PRPSAP2: variants seen among roughly 807,000 people sequenced by gnomAD.
The protein encoded by PRPSAP2 is phosphoribosyl pyrophosphate synthetase associated protein 2, also known as phosphoribosyl pyrophosphate synthase-associated protein 2.
Under a neutral mutation model 40.6 loss-of-function variants are expected in PRPSAP2, and 24 were observed. That is an observed-to-expected ratio of 0.59 (90% CI 0.43 to 0.83). PRPSAP2 has a LOEUF of 0.83. Ranked by LOEUF, PRPSAP2 falls within the 40% of genes least tolerant of loss-of-function variation. PRPSAP2 has a pLI of 0.00. For missense variants in PRPSAP2, 292 were observed against 465.6 expected, an observed-to-expected ratio of 0.63 and a Z score of 3.43; for synonymous variants, 149 against 164.7, an observed-to-expected ratio of 0.90 and a Z score of 0.73.
At chr17:18,872,539 G>T in intron 4 of PRPSAP2, 44 bp from the exon 5 acceptor site, 4 of 1,444,202 alleles carry the variant, frequency 2.8e-6, no homozygotes, top group South Asian at 1.2e-5. Flanking sequence ...TGAAAAATTT[G>T]AACTATATGC....
intron 10 of PRPSAP2, among the ~76,000 whole-genome samples, chr17:18,927,698 A>G (rs1026657036): frequency 1.3e-5 from 2 of 152,130 alleles, no homozygotes; most frequent in Non-Finnish European, 2.9e-5. Context: ...TTGCAGATAT[A>G]CTCTTATAAG....
At chr17:18,863,155 C>T (rs576238669) in intron 1 of PRPSAP2, among the ~76,000 whole-genome samples, 7 of 151,830 alleles carry the variant, frequency 4.6e-5, no homozygotes, top group South Asian at 4.2e-4. Flanking sequence ...TTTTTTGAGA[C>T]GAGGTCGCAT....
chr17:18,918,397 A>C (rs1222552038), intron 9 of PRPSAP2, among the ~76,000 whole-genome samples: 2 of 152,174 alleles, frequency 1.3e-5, no homozygotes, highest in Non-Finnish European at 2.9e-5. Context: ...TGTGAGTGAG[A>C]TAGGACTGCA....
At chr17:18,917,038 T>C (rs1427467024) in intron 9 of PRPSAP2, among the ~76,000 whole-genome samples, 2 of 152,110 alleles carry the variant, frequency 1.3e-5, no homozygotes, top group African/African-American at 4.8e-5. Flanking sequence ...AGAATGAATG[T>C]AGTTGGGTTG....
chr17:18,872,950 C>G (rs2037997694), intron 5 of PRPSAP2, among the ~76,000 whole-genome samples: 1 of 151,512 alleles, frequency 6.6e-6, no homozygotes. Context: ...TCTAGTGATT[C>G]TCTTGCCTCA....
chr17:18,923,256 ATTTTTTT>A (rs34975526), intron 9 of PRPSAP2, among the ~76,000 whole-genome samples: 61 of 105,396 alleles, frequency 5.8e-4, no homozygotes, highest in South Asian at 1.9e-3. Flanking sequence ...CACTTGGCTA[ATTTTTTT>A]TTTTTTTTTT....
chr17:18,889,839 T>C lies in PRPSAP2; in HGVS notation c.546T>C (p.Asn182=), dbSNP rs766875188. 23 of 1,610,250 alleles carry C rather than the reference T, an allele frequency of 1.4e-5. No individual in the cohort carries two copies. The East Asian group carries it at 4.0e-4, about 28-fold the overall frequency. Residue 182 remains asparagine (N), a synonymous_variant, in exon 8 of 12, where the codon AAT becomes AAC. Transcript: ENST00000268835. Reference sequence around the variant, plus strand: ...TGTCACAGATCCCAGATTACAGGAATGCAGTAATCGTGGCCAAGTCTCCAG... The same window carrying C: ...TGTCACAGATCCCAGATTACAGGAACGCAGTAATCGTGGCCAAGTCTCCAG... The part of the protein sequence containing the change: ...YIQEEIPDYR[N]AVIVAKSPAS...
chr17:18,872,305 A>C (rs1480642339), intron 4 of PRPSAP2, among the ~76,000 whole-genome samples: 1 of 151,306 alleles, frequency 6.6e-6, no homozygotes, highest in Non-Finnish European at 1.5e-5. Context: ...CCATGCTCGG[A>C]GTGGTACAGC....
chr17:18,891,285 C>T (rs922431744), intron 8 of PRPSAP2, among the ~76,000 whole-genome samples: 1 of 152,116 alleles, frequency 6.6e-6, no homozygotes, highest in Non-Finnish European at 1.5e-5. Flanking sequence ...TTAAGAATAG[C>T]ACTTTAATAT....
rs189432136 is a variant in PRPSAP2 at position 18,901,633 on chromosome 17, C to T, written c.585-9470C>T. Reference sequence around the variant, plus strand: ...CCTCGTGATCTGCCTGCCTCAGCCTCCCAGAGTGCTAGGATTACAGGCATG... The same window carrying T: ...CCTCGTGATCTGCCTGCCTCAGCCTTCCAGAGTGCTAGGATTACAGGCATG... On this transcript the variant is annotated intron_variant, in intron 8 of 11. Transcript: ENST00000268835. 4.2e-3 allele frequency among the ~76,000 whole-genome samples: 641 copies of T among 152,300 alleles called. 3 individuals carry two copies. Among genetic ancestry groups the T allele is most frequent in the African/African-American group, 0.015 (621 of 41,554 alleles).
upstream of PRPSAP2, among the ~76,000 whole-genome samples, chr17:18,857,321 C>G (rs563255731): frequency 6.6e-6 from 1 of 151,812 alleles, no homozygotes; most frequent in East Asian, 1.9e-4. Flanking sequence ...GACAACAGAG[C>G]GAAACTCCGT....
chr17:18,897,991 C>CTTTTTTTTTTTTTTTTTTTTTTTT (rs71155370), intron 8 of PRPSAP2, among the ~76,000 whole-genome samples: 1 of 116,332 alleles, frequency 8.6e-6, no homozygotes, highest in African/African-American at 3.2e-5. Context: ...AGAATTTTTG[C>CTTTTTTTTTTTTTTTTTTTTTTTT]TTTTTTTTTT....
chr17:18,910,782 G>C (rs149652298), intron 8 of PRPSAP2, among the ~76,000 whole-genome samples: 36 of 152,314 alleles, frequency 2.4e-4, no homozygotes, highest in African/African-American at 8.2e-4. Context: ...TAGGTAGGCA[G>C]GCAGGTAGAA....
At chr17:18,871,653 C>CTTTTTTTTTT (rs142523345) in intron 4 of PRPSAP2, among the ~76,000 whole-genome samples, 2 of 129,784 alleles carry the variant, frequency 1.5e-5, no homozygotes, top group Admixed American at 8.1e-5. Flanking sequence ...ATATAATTTT[C>CTTTTTTTTTT]TTTTTTTTTT....
chr17:18,895,240 C>G (rs1183633107), intron 8 of PRPSAP2, among the ~76,000 whole-genome samples: 1 of 151,808 alleles, frequency 6.6e-6, no homozygotes, highest in African/African-American at 2.4e-5. Flanking sequence ...TGTGCACCAC[C>G]ATGCCTGGCT....
At chr17:18,867,792 T>C (rs1481879085) in intron 4 of PRPSAP2, among the ~76,000 whole-genome samples, 1 of 152,226 alleles carries the variant, frequency 6.6e-6, no homozygotes, top group African/African-American at 2.4e-5. Context: ...TTTTTGCTAA[T>C]TGATACATGT....
chr17:18,917,888 C>G (rs926720818), intron 9 of PRPSAP2, among the ~76,000 whole-genome samples: 1 of 151,654 alleles, frequency 6.6e-6, no homozygotes, highest in Admixed American at 6.6e-5. Context: ...CCCTGGTGTT[C>G]CCAGGGAGGA....
chr17:18,917,472 G>A (rs1420615946), intron 9 of PRPSAP2: 4 of 147,316 alleles, frequency 2.7e-5, no homozygotes, highest in South Asian at 2.1e-4. Context: ...CTGCAACCTC[G>A]GCCTCCCAGG....
At chr17:18,910,826 G>C (rs934992998) in intron 8 of PRPSAP2, among the ~76,000 whole-genome samples, 3 of 152,196 alleles carry the variant, frequency 2.0e-5, no homozygotes, top group Admixed American at 1.3e-4. Context: ...GCTGAGCGGA[G>C]GTTCCTTCAC....
Sources: gnomAD v4.1 joint callset for allele counts (sites outside exome capture counted in the v4.1 genomes callset) on GRCh38, gnomAD v4.1.1 for gene constraint, MANE v1.5 for transcripts, NCBI Gene and HGNC (gene_info 2026-07-23, HGNC 2026-07-21) for gene names.